The following ITPR2 variants were observed in gnomAD, a reference collection of about 807,000 sequenced individuals.
ITPR2 encodes the protein inositol 1,4,5-trisphosphate receptor type 2, also known as inositol 1,4,5-trisphosphate-gated calcium channel ITPR2.
Under a neutral mutation model 317.1 loss-of-function variants are expected in ITPR2, and 207 were observed. The ratio of observed to expected loss-of-function variants is 0.65; its 90% CI spans 0.58 to 0.73. The LOEUF (loss-of-function observed/expected upper bound fraction) is 0.73, where lower values mean the gene tolerates loss of function less well. Among genes scored for constraint, ITPR2 ranks in the 30% least tolerant of loss-of-function variants. The pLI, the probability that ITPR2 is intolerant of heterozygous loss-of-function variation, is 0.00. For missense variants in ITPR2, 2,613 were observed against 3,284.0 expected, an observed-to-expected ratio of 0.80 and a Z score of 4.99; for synonymous variants, 1,156 against 1,149.1, an observed-to-expected ratio of 1.01 and a Z score of -0.12.
chr12:26,709,614 G>A (rs1948611133), intron 9 of ITPR2, among the ~76,000 whole-genome samples: 1 of 152,164 alleles, frequency 6.6e-6, no homozygotes, highest in South Asian at 2.1e-4. Context: ...AAGAAAACTA[G>A]TAATATACAT....
At chr12:26,421,920 T>C (rs1005479664) in intron 49 of ITPR2, among the ~76,000 whole-genome samples, 4 of 152,094 alleles carry the variant, frequency 2.6e-5, no homozygotes, top group African/African-American at 9.7e-5. Flanking sequence ...ACAGCATCAG[T>C]GCAAGCTTTG....
chr12:26,545,695 T>G (rs1209801214), intron 37 of ITPR2, among the ~76,000 whole-genome samples: 1 of 152,230 alleles, frequency 6.6e-6, no homozygotes, highest in Non-Finnish European at 1.5e-5. Context: ...GGCTTGTTAT[T>G]AGAGCCCACC....
At chr12:26,377,786 G>A (rs1939388568) in intron 55 of ITPR2, among the ~76,000 whole-genome samples, 1 of 152,210 alleles carries the variant, frequency 6.6e-6, no homozygotes, top group Non-Finnish European at 1.5e-5. Flanking sequence ...CATAAAATGG[G>A]TATAAATAAG....
At chr12:26,716,745 C>T (rs937901112) in intron 5 of ITPR2, among the ~76,000 whole-genome samples, 4 of 152,052 alleles carry the variant, frequency 2.6e-5, no homozygotes, top group African/African-American at 9.7e-5. Context: ...AATGTCAGCT[C>T]GATTCAGGAA....
chr12:26,634,245 T>A (rs1236705095), intron 21 of ITPR2, among the ~76,000 whole-genome samples: 1 of 152,196 alleles, frequency 6.6e-6, no homozygotes. Context: ...TTGAAAAACA[T>A]GAAGTCAGAC....
Position 26,429,855 on chromosome 12 carries a change from T to C in ITPR2, c.6770-1767A>G, listed in dbSNP as rs185920450. On this transcript the variant is annotated intron_variant, in intron 48 of 56. Transcript: ENST00000381340. ...CAGCTGTCAGCCAGTTATTTGACTT[T>C]TCAGCATAATTCATAAGCAATGTCT... Among the ~76,000 whole-genome samples, 260 of 152,368 alleles carry C rather than the reference T, an allele frequency of 1.7e-3. 1 individual carries two copies. The highest frequency in any genetic ancestry group is 5.9e-3 in the African/African-American group (246 of 41,578).
intron 45 of ITPR2, among the ~76,000 whole-genome samples, chr12:26,465,492 A>G (rs957512789): frequency 2.6e-5 from 4 of 152,200 alleles, no homozygotes; most frequent in African/African-American, 9.6e-5. Context: ...GCAAGTTATG[A>G]GCCAGTGGGC....
chr12:26,809,053 T>C (rs1386097157), intron 1 of ITPR2, among the ~76,000 whole-genome samples: 1 of 152,222 alleles, frequency 6.6e-6, no homozygotes, highest in African/African-American at 2.4e-5. Context: ...TTTTGAAGCA[T>C]ATGTTTCATC....
At chr12:26,340,431 C>T (rs1938070963) in intron 55 of ITPR2, 103 bp from the exon 56 acceptor site, 1 of 1,208,664 alleles carries the variant, frequency 8.3e-7, no homozygotes, top group East Asian at 3.0e-5. Context: ...TCTCTTAGCA[C>T]TCAAATTGGA....
intron 55 of ITPR2, among the ~76,000 whole-genome samples, chr12:26,355,226 C>T (rs1330543717): frequency 6.6e-6 from 1 of 152,180 alleles, no homozygotes; most frequent in Non-Finnish European, 1.5e-5. Flanking sequence ...CTTAACCATA[C>T]TCATCGTACA....
At position 26,478,895 on chromosome 12, in the gene ITPR2, T is replaced by C. The variant is rs1355301515; in HGVS notation, c.6124-1888A>G. 4.6e-5 allele frequency among the ~76,000 whole-genome samples: 7 copies of C among 152,030 alleles called. No individual in the cohort carries two copies. In the East Asian group the frequency reaches 9.6e-4, roughly 21 times the overall value. On this transcript the variant is annotated intron_variant, in intron 43 of 56. Coordinates refer to ENST00000381340, the MANE Select transcript of ITPR2 (RefSeq NM_002223.4). ...CTAAATGAGTACATAAAGCTAAGTA[T>C]ACTTAAAATTAGGGATGATTAAGCA...
At chr12:26,675,874 T>C (rs1389124119) in intron 13 of ITPR2, among the ~76,000 whole-genome samples, 1 of 152,300 alleles carries the variant, frequency 6.6e-6, no homozygotes, top group African/African-American at 2.4e-5. Flanking sequence ...TTAAGAGTAA[T>C]GGCAAGAGTG....
chr12:26,756,551 C>A (rs12312739), intron 2 of ITPR2, among the ~76,000 whole-genome samples: 2,685 of 152,242 alleles, frequency 0.018, 73 homozygotes, highest in African/African-American at 0.06. Context: ...TGAATGTTTT[C>A]TTAAACTAAA....
At chr12:26,442,408 T>C (rs1941507325) in intron 46 of ITPR2, among the ~76,000 whole-genome samples, 1 of 152,138 alleles carries the variant, frequency 6.6e-6, no homozygotes, top group Non-Finnish European at 1.5e-5. Flanking sequence ...TGTGTATTTA[T>C]AGCTAAATCT....
intron 55 of ITPR2, among the ~76,000 whole-genome samples, chr12:26,367,218 A>G (rs1939040249): frequency 7.0e-6 from 1 of 143,412 alleles, no homozygotes; most frequent in African/African-American, 2.4e-5. Context: ...TTTATGATGT[A>G]AAAAAATATA....
chr12:26,702,102 T>C (rs1948454460), intron 9 of ITPR2, among the ~76,000 whole-genome samples: 2 of 152,178 alleles, frequency 1.3e-5, no homozygotes, highest in African/African-American at 4.8e-5. Flanking sequence ...CTCACAGACA[T>C]AGTTGTGAAC....
chr12:26,518,507 G>A (rs938306626), intron 37 of ITPR2, among the ~76,000 whole-genome samples: 7 of 149,724 alleles, frequency 4.7e-5, no homozygotes, highest in African/African-American at 1.7e-4. Context: ...ATGTACCCCC[G>A]AACCTAAAAT....
intron 10 of ITPR2, 46 bp from the exon 11 acceptor site, chr12:26,686,678 T>C: frequency 6.6e-7 from 1 of 1,517,068 alleles, no homozygotes; most frequent in Non-Finnish European, 9.0e-7. Flanking sequence ...CGTTTCTTGC[T>C]AAACTCTCCA....
chr12:26,528,585 T>C (rs1317077129), intron 37 of ITPR2, among the ~76,000 whole-genome samples: 2 of 152,232 alleles, frequency 1.3e-5, no homozygotes, highest in East Asian at 3.8e-4. Context: ...TGATTACATC[T>C]TATGTCCAGG....
Sources: gnomAD v4.1 joint callset for allele counts (sites outside exome capture counted in the v4.1 genomes callset) on GRCh38, gnomAD v4.1.1 for gene constraint, MANE v1.5 for transcripts, NCBI Gene and HGNC (gene_info 2026-07-23, HGNC 2026-07-21) for gene names.